Variants in SNX29 observed in about 807,000 individuals in gnomAD.
SNX29 encodes sorting nexin 29, also known as sorting nexin-29.
SNX29 carries 78 observed loss-of-function variants against 102.1 expected under a neutral mutation model. The observed-to-expected ratio is 0.76, with a 90% CI of 0.64 to 0.92. SNX29 has a LOEUF of 0.92. Ranked by LOEUF, SNX29 falls within the 40% of genes least tolerant of loss-of-function variation. SNX29 has a pLI of 0.00. For synonymous variants in SNX29, 580 were observed against 414.5 expected, an observed-to-expected ratio of 1.40 and a Z score of -4.85; for missense variants, 1,280 against 1,061.7, an observed-to-expected ratio of 1.21 and a Z score of -2.86.
chr16:12,230,739 AC>A (rs1320751041), intron 14 of SNX29, among the ~76,000 whole-genome samples: 1 of 152,232 alleles, frequency 6.6e-6, no homozygotes, highest in African/African-American at 2.4e-5. Flanking sequence ...CTGTGCCATC[AC>A]CTAGAAACTA....
chr16:12,248,971 C>T (rs1412983092), intron 14 of SNX29, among the ~76,000 whole-genome samples: 1 of 152,076 alleles, frequency 6.6e-6, no homozygotes, highest in African/African-American at 2.4e-5. Flanking sequence ...TGCATGAGTA[C>T]CTGGGAAGTG....
intron 15 of SNX29, among the ~76,000 whole-genome samples, chr16:12,284,427 C>G (rs745508654): frequency 1.3e-5 from 2 of 152,222 alleles, no homozygotes; most frequent in Non-Finnish European, 2.9e-5. Context: ...CTTCTCCCCT[C>G]CATCCTGACT....
chr16:12,266,349 C>G (rs533434997), intron 14 of SNX29, among the ~76,000 whole-genome samples: 1 of 152,156 alleles, frequency 6.6e-6, no homozygotes, highest in East Asian at 1.9e-4. Context: ...CAGTTGAATT[C>G]TGACAGGACG....
chr16:12,288,490 C>T (rs2079678337), intron 15 of SNX29, among the ~76,000 whole-genome samples: 1 of 152,088 alleles, frequency 6.6e-6, no homozygotes, highest in South Asian at 2.1e-4. Flanking sequence ...GCTGTAACTC[C>T]ACTGGAGCTG....
chr16:12,546,916 GGAT>G (rs2077641481), intron 20 of SNX29, among the ~76,000 whole-genome samples: 1 of 152,206 alleles, frequency 6.6e-6, no homozygotes, highest in Non-Finnish European at 1.5e-5. Flanking sequence ...AGCCCTAGGA[GGAT>G]GAGAGCAGGG....
chr16:12,171,673 G>C (rs2076152641), intron 13 of SNX29, among the ~76,000 whole-genome samples: 1 of 152,268 alleles, frequency 6.6e-6, no homozygotes, highest in Non-Finnish European at 1.5e-5. Context: ...CAGATTTCAG[G>C]ACAGGGAACT....
chr16:12,552,147 A>C (rs1230813600), intron 20 of SNX29, among the ~76,000 whole-genome samples: 1 of 152,202 alleles, frequency 6.6e-6, no homozygotes, highest in Non-Finnish European at 1.5e-5. Flanking sequence ...GCCACATTCC[A>C]GTACAGCTTA....
At chr16:12,155,222 A>C (rs1460023727) in intron 13 of SNX29, among the ~76,000 whole-genome samples, 1 of 152,182 alleles carries the variant, frequency 6.6e-6, no homozygotes, top group Non-Finnish European at 1.5e-5. Context: ...CCCAGGAGGA[A>C]ATGTATTTGG....
chr16:12,568,633 C>G lies in SNX29; in HGVS notation c.*4C>G, dbSNP rs376240516. On this transcript the variant is annotated 3_prime_UTR_variant, in exon 21 of 21. Coordinates refer to ENST00000566228, the MANE Select transcript of SNX29 (RefSeq NM_032167.5). Reference sequence around the variant, plus strand: ...GCCCCAGAGCGGTGACCTCTGACCTCGACAAAACCGCAGCCACGGGCCCTG... The same window carrying G: ...GCCCCAGAGCGGTGACCTCTGACCTGGACAAAACCGCAGCCACGGGCCCTG... 6 of 1,601,864 alleles carry G rather than the reference C, an allele frequency of 3.7e-6. No individual in the cohort carries two copies. Among genetic ancestry groups the G allele is most frequent in the Non-Finnish European group, 3.4e-6 (4 of 1,179,644 alleles).
chr16:12,470,512 G>C (rs570874460), intron 18 of SNX29, among the ~76,000 whole-genome samples: 1 of 152,300 alleles, frequency 6.6e-6, no homozygotes, highest in Non-Finnish European at 1.5e-5. Context: ...CCTGCAGCCA[G>C]CAGAGAGGTG....
chr16:12,552,422 T>C (rs1420019981), intron 20 of SNX29, among the ~76,000 whole-genome samples: 1 of 152,150 alleles, frequency 6.6e-6, no homozygotes, highest in East Asian at 1.9e-4. Flanking sequence ...CGTGGTCAGT[T>C]CTTTTGGCTC....
intron 1 of SNX29, among the ~76,000 whole-genome samples, chr16:11,978,267 G>A (rs442332): frequency 0.87 from 132,519 of 152,212 alleles, 58,246 homozygotes; most frequent in South Asian, 0.94. Context: ...TAATACCTCA[G>A]TAAAGATGTT....
chr16:12,093,963 G>T (rs983165147), intron 11 of SNX29: 1 of 152,182 alleles, frequency 6.6e-6, no homozygotes, highest in Non-Finnish European at 1.5e-5. Context: ...AGTGTCTGGG[G>T]CAACACTGGC....
At chr16:12,535,710 C>T (rs2077056806) in intron 20 of SNX29, among the ~76,000 whole-genome samples, 1 of 152,094 alleles carries the variant, frequency 6.6e-6, no homozygotes, top group African/African-American at 2.4e-5. Context: ...GTCCTCTGTG[C>T]CCCTTGTAAA....
In SNX29 at chr16:12,277,913, A is replaced by T; in HGVS notation, c.1679-20A>T. The T allele has an allele frequency of 6.3e-7, 1 of 1,582,568 alleles. No individual in the cohort carries two copies. Among genetic ancestry groups the T allele is most frequent in the Non-Finnish European group, 8.6e-7 (1 of 1,160,814 alleles). On this transcript the variant is annotated intron_variant, in intron 14 of 20. Transcript: ENST00000566228. The stretch of plus-strand genomic sequence containing the variant: ...TCGATACTGTTGAAATATTTATGAC[A>T]TGTCTCTCTTTCTCTAAAGTGCCAA...
intron 18 of SNX29, among the ~76,000 whole-genome samples, chr16:12,457,013 G>A (rs937780152): frequency 5.9e-5 from 9 of 152,144 alleles, no homozygotes; most frequent in Non-Finnish European, 1.2e-4. Context: ...GGCTTCCTTT[G>A]CCATAATGCC....
chr16:11,985,506 T>C (rs2055580165), intron 1 of SNX29, among the ~76,000 whole-genome samples: 1 of 152,222 alleles, frequency 6.6e-6, no homozygotes, highest in South Asian at 2.1e-4. Context: ...GGATTATCTT[T>C]CTGTCTGGCT....
chr16:12,389,444 C>T (rs566239879), intron 16 of SNX29, among the ~76,000 whole-genome samples: 45 of 152,120 alleles, frequency 3.0e-4, no homozygotes, highest in Admixed American at 1.4e-3. Flanking sequence ...TTTCCGCTTT[C>T]GCTTGGCTCT....
intron 14 of SNX29, among the ~76,000 whole-genome samples, chr16:12,203,373 G>C (rs1031878599): frequency 2.0e-5 from 3 of 151,816 alleles, no homozygotes; most frequent in African/African-American, 7.3e-5. Context: ...CATTGGAGGT[G>C]ACAACTCTGA....
Sources: allele counts gnomAD v4.1 joint callset (sites outside exome capture counted in the v4.1 genomes callset), GRCh38; gene constraint gnomAD v4.1.1; transcripts MANE v1.5; gene names NCBI Gene and HGNC (gene_info 2026-07-23, HGNC 2026-07-21).